Variants in NIT1 observed in about 807,000 individuals in gnomAD.
NIT1 encodes the protein nitrilase 1.
In NIT1, 30 loss-of-function variants were observed where a neutral mutation model predicts 36.8. The ratio of observed to expected loss-of-function variants is 0.82; its 90% CI spans 0.61 to 1.11. The LOEUF is 1.11. Ranked by LOEUF, NIT1 falls within the 50% of genes least tolerant of loss-of-function variation. NIT1 has a pLI of 0.00. For synonymous variants in NIT1, 151 were observed against 155.6 expected, an observed-to-expected ratio of 0.97 and a Z score of 0.22; for missense variants, 438 against 410.6, an observed-to-expected ratio of 1.07 and a Z score of -0.58.
At chr1:161,123,743 G>A, downstream of NIT1, 2 of 1,101,626 alleles carry the variant, frequency 1.8e-6, no homozygotes, top group Non-Finnish European at 1.3e-6. Flanking sequence ...TGGGCGCACA[G>A]CATCCTTTCA....
At chr1:161,120,443 G>A in intron 6 of NIT1, 56 bp from the exon 7 acceptor site, 5 of 1,578,470 alleles carry the variant, frequency 3.2e-6, no homozygotes, top group Non-Finnish European at 4.3e-6. Flanking sequence ...TCCCTCACCT[G>A]TCACTTCCCC....
At chr1:161,122,072 G>A, downstream of NIT1, 2 of 1,516,546 alleles carry the variant, frequency 1.3e-6, no homozygotes, top group South Asian at 1.2e-5. The surrounding 1 kb of genome is among the most constrained non-coding windows in gnomAD (Gnocchi z 4.2). Flanking sequence ...GAAGGGTAGA[G>A]AACAAACCCC....
chr1:161,119,770 G>A, intron 4 of NIT1, 49 bp from the exon 5 acceptor site: 1 of 1,575,230 alleles, frequency 6.3e-7, no homozygotes, highest in Non-Finnish European at 8.6e-7. Context: ...GGAGGAGTAA[G>A]CAAGGCTTCT....
At chr1:161,123,192 G>C (rs1226962418), downstream of NIT1, 15 of 1,614,030 alleles carry the variant, frequency 9.3e-6, no homozygotes, top group Non-Finnish European at 1.1e-5. Context: ...CCCGAAGTGG[G>C]GCAACACACC....
In NIT1 at chr1:161,119,479, TGAAGA is replaced by T. The variant is rs775016660; in HGVS notation, c.354-28_354-24del. On this transcript the variant is annotated intron_variant, in intron 3 of 6. Transcript: ENST00000368009. Reference sequence around the variant, plus strand: ...TGAGGGTAGAGCCTTGAGAAGTCAGTGAAGAGTTGTCAGTGTCCCTTCCCCCCAGG... The same window carrying T: ...TGAGGGTAGAGCCTTGAGAAGTCAGTGTTGTCAGTGTCCCTTCCCCCCAGG... 2.2e-5 allele frequency: 36 copies of T among 1,613,146 alleles called. No individual in the cohort carries two copies. The African/African-American group carries it at 4.3e-4, about 19-fold the overall frequency.
downstream of NIT1, chr1:161,123,801 TTGA>T (rs754397500): frequency 3.9e-5 from 61 of 1,555,702 alleles, no homozygotes; most frequent in Non-Finnish European, 4.9e-5. Flanking sequence ...GTCCTTTTAC[TTGA>T]TGATGGAAAG....
At chr1:161,118,718 A>G in intron 1 of NIT1, 68 bp from the exon 2 acceptor site, 1 of 1,481,614 alleles carries the variant, frequency 6.7e-7, no homozygotes, top group South Asian at 1.1e-5. Context: ...TAAAGAGAGA[A>G]GTCAGAGAAT....
chr1:161,123,933 A>G (rs1367743690), downstream of NIT1: 3 of 1,613,966 alleles, frequency 1.9e-6, no homozygotes, highest in Non-Finnish European at 2.5e-6. Flanking sequence ...ACTTGTCTAC[A>G]AGATCAGGGC....
Position 161,120,926 on chromosome 1 carries a change from CTT to C in NIT1, c.*163_*164del. On this transcript the variant is annotated 3_prime_UTR_variant, in exon 7 of 7. Coordinates refer to ENST00000368009, the MANE Select transcript of NIT1 (RefSeq NM_005600.3). ...ACAGATGGGCTGCTTGGGAAAGAAA[CTT>C]TCACCTGAGCTTCACCTGAGGTCAG... The C allele has an allele frequency of 1.4e-6, 2 of 1,428,274 alleles. No homozygotes were observed. Among genetic ancestry groups the C allele is most frequent in the African/African-American group, 1.4e-5 (1 of 69,654 alleles). 88.5% of individuals were successfully genotyped at this position (1,428,274 alleles called of 1,614,324 possible). A position where few individuals can be genotyped will look rare whatever the true frequency, so the allele number is the denominator to read the frequency against.
At chr1:161,124,429 A>C, downstream of NIT1, 4 of 1,606,614 alleles carry the variant, frequency 2.5e-6, no homozygotes, top group Non-Finnish European at 3.4e-6. Flanking sequence ...TCTTCTGGCC[A>C]CACCTGGCTT....
rs557271646 is a variant in NIT1, at chr1:161,118,136, C to A, written c.-41C>A. The A allele has an allele frequency of 1.2e-6, 2 of 1,613,914 alleles. No individual in the cohort carries two copies. The highest frequency in any genetic ancestry group is 1.7e-6 in the Non-Finnish European group (2 of 1,179,902). On this transcript the variant is annotated 5_prime_UTR_variant, in exon 1 of 7. Coordinates refer to ENST00000368009, the MANE Select transcript of NIT1 (RefSeq NM_005600.3). ...TGCGGCGCTTCTGGCTCCAGACCGC[C>A]CTCCGGATCGGACCCTGCGAATGGT...
chr1:161,123,177 G>C (rs1470411683), downstream of NIT1: 1 of 1,614,190 alleles, frequency 6.2e-7, no homozygotes, highest in South Asian at 1.1e-5. Flanking sequence ...CTACACATCT[G>C]AGGACCCGAA....
Position 161,120,722 on chromosome 1 carries a change from G to A in NIT1, c.941G>A (p.Arg314His), listed in dbSNP as rs761471860. The change falls in exon 7 of 7, where the codon CGC becomes CAC. Residue 314 changes from arginine (R) to histidine (H), a missense_variant. Arg to His is a conservative substitution (Grantham distance 29, BLOSUM62 0). Coordinates refer to ENST00000368009, the MANE Select transcript of NIT1 (RefSeq NM_005600.3). ...LRRHLPVFQH[R>H]RPDLYGNLGH... ...CGACACCTGCCTGTGTTCCAGCACC[G>A]CAGGCCTGACCTCTATGGCAATCTG... The A allele has an allele frequency of 4.5e-5, 72 of 1,613,666 alleles. No individual in the cohort carries two copies. The highest frequency in any genetic ancestry group is 5.5e-5 in the Non-Finnish European group (65 of 1,180,018).
intron 4 of NIT1, 91 bp from the exon 5 acceptor site, chr1:161,119,728 C>T: frequency 6.3e-7 from 1 of 1,581,058 alleles, no homozygotes; most frequent in Non-Finnish European, 8.6e-7. Context: ...GGTCCTACTT[C>T]AGTTCCTAGC....
In NIT1 at chr1:161,119,128, T is replaced by C. The variant is rs756802228; in HGVS notation, c.99-6T>C. On this transcript the variant is annotated splice_region_variant and splice_polypyrimidine_tract_variant and intron_variant, in intron 2 of 6. Transcript: ENST00000368009. Reference sequence around the variant, plus strand: ...AATCTGAGAATCCTGCCTATGCTGTTCACAGGCCCAGAGCCATGGCTATCT... The same window carrying C: ...AATCTGAGAATCCTGCCTATGCTGTCCACAGGCCCAGAGCCATGGCTATCT... The C allele has an allele frequency of 4.4e-5, 71 of 1,613,150 alleles. No individual in the cohort carries two copies.
At chr1:161,121,800 A>G (rs1225528303), downstream of NIT1, 2 of 193,880 alleles carry the variant, frequency 1.0e-5, no homozygotes, top group African/African-American at 4.7e-5. Flanking sequence ...AGTATTGATA[A>G]CTCCTTAGTG....
downstream of NIT1, chr1:161,124,808 A>T (rs1194784129): frequency 1.5e-5 from 3 of 202,068 alleles, no homozygotes; most frequent in African/African-American, 7.0e-5. Flanking sequence ...AAAAAAAGAA[A>T]AAATTAGCTG....
At chr1:161,124,524 G>A (rs569361856), downstream of NIT1, 13 of 1,546,682 alleles carry the variant, frequency 8.4e-6, no homozygotes, top group Middle Eastern at 2.1e-4. Context: ...AATCCCCACC[G>A]TACTGAAAGG....
chr1:161,120,028 G>C, intron 5 of NIT1, 76 bp downstream of exon 5: 1 of 1,608,286 alleles, frequency 6.2e-7, no homozygotes. Flanking sequence ...AGCCCTAAGA[G>C]AGGGGGTAAT....
Sources: allele counts gnomAD v4.1 joint callset, GRCh38; gene constraint gnomAD v4.1.1; non-coding constraint Gnocchi (gnomAD v3.1); transcripts MANE v1.5; gene names NCBI Gene and HGNC (gene_info 2026-07-23, HGNC 2026-07-21).